The following DAW1 variants were observed in gnomAD, a reference collection of about 807,000 sequenced individuals.
DAW1 encodes dynein assembly factor with WD repeats 1.
DAW1 carries 47 observed loss-of-function variants against 56.5 expected under a neutral mutation model. That is an observed-to-expected ratio of 0.83 (90% CI 0.66 to 1.06). DAW1 has a LOEUF of 1.06. DAW1 is among the 50% of genes least tolerant of loss of function. The probability of loss-of-function intolerance (pLI) is 0.00; values close to 1 mark genes in which losing one functional copy is unlikely to be tolerated. For synonymous variants in DAW1, 190 were observed against 179.0 expected (o/e 1.06, Z -0.49); for missense variants, 505 against 499.3 (o/e 1.01, Z -0.11).
At chr2:227,895,528 A>T (rs1691385936) in intron 5 of DAW1, 3 of 152,296 alleles carry the variant, frequency 2.0e-5, no homozygotes, top group Non-Finnish European at 4.4e-5. Flanking sequence ...AGCCGAAAGA[A>T]GATGCCAGAA....
chr2:227,893,522 T>C (rs777414280), intron 4 of DAW1, among the ~76,000 whole-genome samples: 12 of 149,990 alleles, frequency 8.0e-5, no homozygotes, highest in Non-Finnish European at 1.6e-4. Context: ...ACACAAAAAA[T>C]ATAGCCAGGC....
chr2:227,876,383 C>T lies in DAW1; in HGVS notation c.40+4654C>T, dbSNP rs1690883865. The stretch of plus-strand genomic sequence containing the variant: ...CATGTTTGCGACTATTGCCTTAATG[C>T]TTATCTTATAATGAGGTCATATTAC... On this transcript the variant is annotated intron_variant, in intron 1 of 12. Coordinates refer to ENST00000309931, the MANE Select transcript of DAW1 (RefSeq NM_178821.3). The T allele has an allele frequency of 3.2e-6, 4 of 1,238,078 alleles. No individual in the cohort carries two copies. The African/African-American group carries it at 6.2e-5, about 19-fold the overall frequency. The allele number at this position is 1,238,078 out of a possible 1,614,324, so 76.7% of individuals were successfully genotyped here. A position where few individuals can be genotyped will look rare whatever the true frequency, so the allele number is the denominator to read the frequency against.
At chr2:227,886,063 C>T (rs1691124035) in intron 2 of DAW1, among the ~76,000 whole-genome samples, 1 of 151,550 alleles carries the variant, frequency 6.6e-6, no homozygotes, top group African/African-American at 2.4e-5. Context: ...CATCCTCCGC[C>T]TCCTGAGTTC....
chr2:227,914,508 C>T (rs1341167273), intron 10 of DAW1, among the ~76,000 whole-genome samples: 1 of 151,986 alleles, frequency 6.6e-6, no homozygotes, highest in Non-Finnish European at 1.5e-5. Context: ...ATATGTGATG[C>T]CACTCTGTGT....
chr2:227,913,332 G>A (rs775010462), intron 10 of DAW1, among the ~76,000 whole-genome samples: 4 of 151,920 alleles, frequency 2.6e-5, no homozygotes, highest in South Asian at 2.1e-4. Flanking sequence ...CTAAGTTACC[G>A]CCTTTATAAC....
chr2:227,898,253 A>G lies in DAW1; in HGVS notation c.512A>G (p.His171Arg), dbSNP rs1311797919. The G allele has an allele frequency of 6.4e-7, 1 of 1,573,438 alleles. No homozygotes were observed. ...AGTGTGGAAACAGGAAAATGTTACC[A>G]TACCTTCAGGGGTCATACAGCAGAA... Reference protein sequence around the residue: ...LWSVETGKCYHTFRGHTAEIV... With the variant: ...LWSVETGKCYRTFRGHTAEIV... Residue 171 changes from histidine (H) to arginine (R), a missense_variant, in exon 6 of 13, where the codon CAT (histidine) becomes CGT (arginine). Physicochemically the swap from His to Arg is conservative, Grantham distance 29 (BLOSUM62 0). Transcript: ENST00000309931.
chr2:227,912,264 G>A (rs189203978), intron 10 of DAW1: 112 of 621,138 alleles, frequency 1.8e-4, no homozygotes, highest in African/African-American at 7.0e-4. Context: ...ATGGAGTCTC[G>A]CTCTGTCGCC....
chr2:227,895,760 C>T (rs1691391399), intron 5 of DAW1, among the ~76,000 whole-genome samples: 1 of 151,996 alleles, frequency 6.6e-6, no homozygotes, highest in Non-Finnish European at 1.5e-5. Context: ...AAGTTGCCAT[C>T]AAGGATTTGG....
chr2:227,883,552 A>C (rs1691057103), intron 1 of DAW1, among the ~76,000 whole-genome samples: 1 of 152,268 alleles, frequency 6.6e-6, no homozygotes, highest in South Asian at 2.1e-4. Context: ...TTAAGAAGTT[A>C]CCATTTGTTG....
intron 10 of DAW1, chr2:227,912,278 G>GC: frequency 1.3e-6 from 1 of 777,934 alleles, no homozygotes; most frequent in South Asian, 1.4e-5. Flanking sequence ...TGTCGCCCAG[G>GC]CTGGAGTGCA....
chr2:227,900,122 A>G (rs116612206), intron 6 of DAW1, among the ~76,000 whole-genome samples: 2,155 of 152,300 alleles, frequency 0.014, 41 homozygotes, highest in African/African-American at 0.049. Context: ...GCCCCTTTAC[A>G]TAGACAGGTA....
chr2:227,905,066 C>A, intron 8 of DAW1, 31 bp downstream of exon 8: 2 of 1,588,840 alleles, frequency 1.3e-6, no homozygotes, highest in East Asian at 2.3e-5. Flanking sequence ...ATTGTTTTAA[C>A]CTGGATCAGG....
chr2:227,887,090 C>A (rs554598935), intron 2 of DAW1, among the ~76,000 whole-genome samples: 1 of 152,162 alleles, frequency 6.6e-6, no homozygotes, highest in African/African-American at 2.4e-5. Context: ...TCTGGGAGCA[C>A]GTGTCTAGGG....
At chr2:227,902,565 G>T (rs983467153) in intron 6 of DAW1, among the ~76,000 whole-genome samples, 2 of 152,114 alleles carry the variant, frequency 1.3e-5, no homozygotes, top group Non-Finnish European at 2.9e-5. Flanking sequence ...GGGTCTGGGG[G>T]AACTGGATGG....
At chr2:227,916,604 A>G (rs1221632952) in intron 10 of DAW1, among the ~76,000 whole-genome samples, 1 of 152,168 alleles carries the variant, frequency 6.6e-6, no homozygotes, top group East Asian at 1.9e-4. Flanking sequence ...CTAGAAAATT[A>G]CATATGATAA....
At chr2:227,889,835 T>G in intron 2 of DAW1, 21 bp from the exon 3 acceptor site, 1 of 1,539,220 alleles carries the variant, frequency 6.5e-7, no homozygotes, top group East Asian at 2.4e-5. Context: ...TAAAAGAAAC[T>G]CTTTTTTGGG....
At chr2:227,894,033 T>C (rs1559306583) in intron 5 of DAW1, 116 bp downstream of exon 5, 1 of 1,126,628 alleles carries the variant, frequency 8.9e-7, no homozygotes, top group Non-Finnish European at 1.2e-6. Context: ...TGGTATGTGC[T>C]TTGGAAGCCT....
At position 227,924,002 on chromosome 2, in the gene DAW1, G is replaced by A. The variant is rs1692168719; in HGVS notation, c.*34G>A. 1.2e-6 allele frequency: 2 copies of A among 1,612,864 alleles called. No homozygotes were observed. Among genetic ancestry groups the A allele is most frequent in the Admixed American group, 1.7e-5 (1 of 59,990 alleles). On this transcript the variant is annotated 3_prime_UTR_variant, in exon 13 of 13. Transcript: ENST00000309931. The stretch of plus-strand genomic sequence containing the variant: ...AGCTGGTCAGTGAGCAACCTTGCTA[G>A]CAATGGTAATCAAGAACTGGAACTT...
chr2:227,920,832 A>T (rs1246594203), intron 11 of DAW1, among the ~76,000 whole-genome samples: 1 of 152,072 alleles, frequency 6.6e-6, no homozygotes, highest in Non-Finnish European at 1.5e-5. Flanking sequence ...GTGTGCCACC[A>T]TCCATGCCAA....
Sources: gnomAD v4.1 joint callset for allele counts (sites outside exome capture counted in the v4.1 genomes callset) on GRCh38, gnomAD v4.1.1 for gene constraint, MANE v1.5 for transcripts, NCBI Gene and HGNC (gene_info 2026-07-23, HGNC 2026-07-21) for gene names.